The following CAPN7 variants were observed in gnomAD, a reference collection of about 807,000 sequenced individuals.
CAPN7 encodes calpain 7, also known as calpain-7.
A neutral mutation model predicts 115.2 loss-of-function variants in CAPN7; 72 were observed. The observed-to-expected ratio is 0.63, with a 90% confidence interval of 0.52 to 0.76. CAPN7 has a LOEUF of 0.76. Among genes scored for constraint, CAPN7 ranks in the 30% least tolerant of loss-of-function variants. CAPN7 has a pLI of 0.00. For synonymous variants in CAPN7, 344 were observed against 322.3 expected (o/e 1.07, Z -0.72); for missense variants, 905 against 971.5 (o/e 0.93, Z 0.91).
At chr3:15,222,392 G>C (rs929779466) in intron 5 of CAPN7, among the ~76,000 whole-genome samples, 1 of 152,160 alleles carries the variant, frequency 6.6e-6, no homozygotes, top group African/African-American at 2.4e-5. Context: ...TTTTAAAGTT[G>C]AGCACTGCAG....
intron 3 of CAPN7, among the ~76,000 whole-genome samples, chr3:15,217,938 G>A (rs2124901252): frequency 6.6e-6 from 1 of 152,224 alleles, no homozygotes; most frequent in Middle Eastern, 3.4e-3. Context: ...GTTTGGATGA[G>A]CCTTACTTAT....
chr3:15,247,534 C>T (rs55678046), intron 19 of CAPN7, 77 bp downstream of exon 19: 3 of 1,181,960 alleles, frequency 2.5e-6, no homozygotes, highest in Non-Finnish European at 3.5e-6. Context: ...AGTTTAGAAA[C>T]AGACCTAAGC....
chr3:15,237,372 T>A lies in CAPN7; in HGVS notation c.1407+2227T>A, dbSNP rs143180910. Among the ~76,000 whole-genome samples, 17 of 152,356 alleles carry A rather than the reference T, an allele frequency of 1.1e-4. 1 individual carries two copies. Among genetic ancestry groups the A allele is most frequent in the African/African-American group, 4.1e-4 (17 of 41,592 alleles). ...CTTTTCCAGCTCCATTATAATCTTA[T>A]GGAACCACTATGATATATGTAGTTC... is the stretch of plus-strand genomic sequence containing the variant. On this transcript the variant is annotated intron_variant, in intron 12 of 20. Coordinates refer to ENST00000253693, the MANE Select transcript of CAPN7 (RefSeq NM_014296.3).
chr3:15,238,849 ATTTTTTTTT>A (rs59838740), intron 12 of CAPN7, among the ~76,000 whole-genome samples: 4 of 114,012 alleles, frequency 3.5e-5, no homozygotes, highest in African/African-American at 7.7e-5. Flanking sequence ...GCAAAATCAA[ATTTTTTTTT>A]TTTTTTTTTT....
At chr3:15,219,786 A>G (rs971943643) in intron 4 of CAPN7, among the ~76,000 whole-genome samples, 1 of 152,242 alleles carries the variant, frequency 6.6e-6, no homozygotes, top group Non-Finnish European at 1.5e-5. Context: ...TTGACAGAAC[A>G]AAGTTAAAAT....
intron 6 of CAPN7, among the ~76,000 whole-genome samples, chr3:15,226,735 T>C (rs1349584926): frequency 1.3e-5 from 2 of 152,172 alleles, no homozygotes; most frequent in Admixed American, 6.5e-5. Context: ...GCAATAAACA[T>C]TGGCTTATTT....
rs751035768 is a variant in CAPN7, at chr3:15,212,207, C to G, written c.206C>G (p.Ser69Ter). 3.8e-6 allele frequency: 6 copies of G among 1,578,648 alleles called. No homozygotes were observed. The Admixed American group carries it at 1.0e-4, about 27-fold the overall frequency. ...CTGGAAAGAGTTCAAGCTCTACATT[C>G]AGCAGGTTAGTAAAGGACTACTAAA... ...EYLERVQALH[S>*]AVQSKSADPL... The change falls in exon 2 of 21, where the codon TCA (serine) becomes TGA (stop). Residue 69 changes from serine to a stop codon, truncating the protein, a stop_gained. Transcript: ENST00000253693. LOFTEE classifies it high-confidence loss of function.
At chr3:15,214,146 C>G (rs1480076189) in intron 2 of CAPN7, among the ~76,000 whole-genome samples, 1 of 152,150 alleles carries the variant, frequency 6.6e-6, no homozygotes. Context: ...TCCCAAAGTG[C>G]TGGGATTACA....
Position 15,218,692 on chromosome 3 carries a change from A to G in CAPN7, c.437+152A>G, listed in dbSNP as rs747927458. 9.1e-5 allele frequency: 60 copies of G among 657,400 alleles called. 1 individual carries two copies. The highest frequency in any genetic ancestry group is 1.6e-4 in the Non-Finnish European group (59 of 367,434). The allele number at this position is 657,400 out of a possible 1,614,324, so 40.7% of individuals were successfully genotyped here. Reference sequence around the variant, plus strand: ...CTACTTTCTACTTCTTAGTGAATTTACCTCCTCTCTCTAGTTCCCTGCTTT... The same window carrying G: ...CTACTTTCTACTTCTTAGTGAATTTGCCTCCTCTCTCTAGTTCCCTGCTTT... On this transcript the variant is annotated intron_variant, in intron 4 of 20. Transcript: ENST00000253693.
chr3:15,218,529 G>A lies in CAPN7; in HGVS notation c.426G>A (p.Gln142=). 6.2e-7 allele frequency: 1 copy of A among 1,612,696 alleles called. No individual in the cohort carries two copies. The highest frequency in any genetic ancestry group is 8.5e-7 in the Non-Finnish European group (1 of 1,178,756). The change falls in exon 4 of 21, where the codon CAG becomes CAA. Residue 142 remains glutamine (Q), a synonymous_variant. Coordinates refer to ENST00000253693, the MANE Select transcript of CAPN7 (RefSeq NM_014296.3). The part of the protein sequence containing the change: ...LQNKLKQLAR[Q]ALDRAEALSE... Reference sequence around the variant, plus strand: ...ATAAACTGAAACAGTTGGCTCGACAGGCACTAGACAGGTGAGTTTGATCTC... The same window carrying A: ...ATAAACTGAAACAGTTGGCTCGACAAGCACTAGACAGGTGAGTTTGATCTC...
rs566957976 is a variant in CAPN7 at position 15,229,561 on chromosome 3, C to CTT, written c.938+529_938+530dup. On this transcript the variant is annotated intron_variant, in intron 8 of 20. Transcript: ENST00000253693. ...CATCAAAATTGGTTTTACTTTTTTT[C>CTT]TTTTTTTTTTTTTTTTTTTTTTTTT... Among the ~76,000 whole-genome samples the CTT allele has an allele frequency of 9.3e-3, 817 of 87,846 alleles. 108 individuals carry two copies. The highest frequency in any genetic ancestry group is 0.031 in the East Asian group (65 of 2,130). 57.6% of individuals were successfully genotyped at this position (87,846 alleles called of 152,430 possible). A position where few individuals can be genotyped will look rare whatever the true frequency, so the allele number is the denominator to read the frequency against.
rs3752838 is a variant in CAPN7 at position 15,227,927 on chromosome 3, A to G, written c.814A>G (p.Thr272Ala). 1.0e-5 allele frequency: 16 copies of G among 1,549,956 alleles called. No individual in the cohort carries two copies. In the East Asian group the frequency reaches 1.9e-4, roughly 19 times the overall value. ...VRPEDLTNNP[T>A]MIYTVSSFSI... ...ACCAGAAGACCTCACCAACAATCCT[A>G]CAATGATATATACTGTGTCCAGTTT... The change falls in exon 7 of 21, where the codon ACA becomes GCA. Residue 272 changes from threonine to alanine, a missense_variant. Thr to Ala is a moderately conservative substitution (Grantham distance 58). This residue lies in a region of CAPN7 where 620 missense variants were observed against 703.4 expected (regional missense o/e 0.88). Coordinates refer to ENST00000253693, the MANE Select transcript of CAPN7 (RefSeq NM_014296.3).
In CAPN7 at chr3:15,215,463, C is replaced by G. The variant is rs555350860; in HGVS notation, c.212-1962C>G. Among the ~76,000 whole-genome samples the G allele has an allele frequency of 1.4e-3, 213 of 152,288 alleles. 1 individual carries two copies. Among genetic ancestry groups the G allele is most frequent in the African/African-American group, 4.4e-3 (184 of 41,566 alleles). On this transcript the variant is annotated intron_variant, in intron 2 of 20. Coordinates refer to ENST00000253693, the MANE Select transcript of CAPN7 (RefSeq NM_014296.3). ...TAATTTTAGAAAGTTTTCATCACCC[C>G]AAGAGAAACCTCTTACCCATTAGCA...
chr3:15,242,088 T>C, intron 15 of CAPN7, 90 bp from the exon 16 acceptor site: 1 of 810,644 alleles, frequency 1.2e-6, no homozygotes, highest in Non-Finnish European at 2.0e-6. Context: ...TGTGGAGAGA[T>C]TTAGAGCATT....
At chr3:15,249,025 C>CAAAAAA (rs59492817) in intron 19 of CAPN7, among the ~76,000 whole-genome samples, 1 of 130,758 alleles carries the variant, frequency 7.6e-6, no homozygotes, top group Non-Finnish European at 1.5e-5. Context: ...AAAAAAAAAA[C>CAAAAAA]AAAAACAGAA....
chr3:15,232,645 G>T lies in CAPN7; in HGVS notation c.1159G>T (p.Asp387Tyr). 6.2e-7 allele frequency: 1 copy of T among 1,608,458 alleles called. No homozygotes were observed. The highest frequency in any genetic ancestry group is 8.5e-7 in the Non-Finnish European group (1 of 1,178,000). Residue 387 changes from aspartate (D) to tyrosine (Y), a missense_variant, in exon 10 of 21, where the codon GAT becomes TAT. Asp to Tyr is a radical substitution (Grantham distance 160). Transcript: ENST00000253693. ...KAYMKVMGGY[D>Y]FPGSNSNIDL... The stretch of plus-strand genomic sequence containing the variant: ...ATACATGAAAGTCATGGGAGGATAT[G>T]ATTTTCCAGGATCCAACTCCGTAAG...
chr3:15,210,057 G>A (rs971340406), intron 1 of CAPN7, among the ~76,000 whole-genome samples: 28 of 152,156 alleles, frequency 1.8e-4, no homozygotes, highest in Admixed American at 5.2e-4. Flanking sequence ...CTGGCGGGCA[G>A]TGGTGAGATC....
chr3:15,217,479 G>A lies in CAPN7; in HGVS notation c.266G>A (p.Arg89His), dbSNP rs750039325. Residue 89 changes from arginine (R) to histidine (H), a missense_variant, in exon 3 of 21, where the codon CGT (arginine) becomes CAT (histidine). Arg to His is a conservative substitution (Grantham distance 29). Transcript: ENST00000253693. ...TCAAAACATCAGTTGGACTTAGAGC[G>A]TGCTCATTTCCTTGTTACACAAGCT... ...LKSKHQLDLE[R>H]AHFLVTQAFD... The A allele has an allele frequency of 9.9e-6, 16 of 1,613,610 alleles. No individual in the cohort carries two copies. The highest frequency in any genetic ancestry group is 3.3e-5 in the South Asian group (3 of 91,062).
chr3:15,243,977 C>T (rs1338533976), intron 16 of CAPN7, among the ~76,000 whole-genome samples: 2 of 152,160 alleles, frequency 1.3e-5, no homozygotes, highest in South Asian at 2.1e-4. Flanking sequence ...GACTTAGCAT[C>T]GTGGCAGTCA....
Sources: gnomAD v4.1 joint callset for allele counts (sites outside exome capture counted in the v4.1 genomes callset) on GRCh38, gnomAD v4.1.1 for gene constraint, gnomAD v4.1.1 regional missense constraint, MANE v1.5 for transcripts, NCBI Gene and HGNC (gene_info 2026-07-23, HGNC 2026-07-21) for gene names.